The following NELL1 variants were observed in gnomAD, a reference collection of about 807,000 sequenced individuals.
NELL1 encodes neural EGFL like 1.
NELL1 carries 76 observed loss-of-function variants against 107.4 expected under a neutral mutation model. The ratio of observed to expected loss-of-function variants is 0.71; its 90% confidence interval spans 0.59 to 0.86. NELL1 has a LOEUF of 0.86. NELL1 is among the 40% of genes least tolerant of loss of function. NELL1 has a pLI of 0.00. For missense variants in NELL1, 1,024 were observed against 1,005.5 expected (o/e 1.02, Z -0.25); for synonymous variants, 353 against 341.2 (o/e 1.03, Z -0.38).
At chr11:21,412,312 TA>T (rs1852398494) in intron 15 of NELL1, among the ~76,000 whole-genome samples, 1 of 152,060 alleles carries the variant, frequency 6.6e-6, no homozygotes, top group Admixed American at 6.6e-5. Context: ...AGCAAATTTA[TA>T]GATAGGACAT....
intron 12 of NELL1, among the ~76,000 whole-genome samples, chr11:21,014,050 C>T (rs1590540880): frequency 6.6e-6 from 1 of 152,000 alleles, no homozygotes; most frequent in East Asian, 1.9e-4. Flanking sequence ...TAATACAATA[C>T]TGCTTTATTT....
At position 21,246,023 on chromosome 11, in the gene NELL1, G is replaced by GT. The variant is rs977361432; in HGVS notation, c.1549+16578dup. 2.9e-3 allele frequency among the ~76,000 whole-genome samples: 443 copies of GT among 150,778 alleles called. 2 individuals are homozygous for GT. Among genetic ancestry groups the GT allele is most frequent in the African/African-American group, 9.5e-3 (389 of 41,082 alleles). On this transcript the variant is annotated intron_variant, in intron 14 of 19. Transcript: ENST00000357134. Reference sequence around the variant, plus strand: ...CAAATTATTCCATTTAATACAAATTGTTTTTTTTTGACTCAAAGAATGTTG... The same window carrying GT: ...CAAATTATTCCATTTAATACAAATTGTTTTTTTTTTGACTCAAAGAATGTTG...
At chr11:21,410,566 A>G (rs1564881238) in intron 15 of NELL1, among the ~76,000 whole-genome samples, 1 of 152,084 alleles carries the variant, frequency 6.6e-6, no homozygotes, top group Non-Finnish European at 1.5e-5. Context: ...CCTAACATAA[A>G]TCAGATACCA....
chr11:20,694,076 A>T (rs1854548491), intron 2 of NELL1, among the ~76,000 whole-genome samples: 1 of 152,060 alleles, frequency 6.6e-6, no homozygotes, highest in African/African-American at 2.4e-5. Flanking sequence ...AGTTGATTGC[A>T]TGGGCTCCTG....
At chr11:21,168,720 A>G (rs1210919962) in intron 13 of NELL1, among the ~76,000 whole-genome samples, 1 of 151,894 alleles carries the variant, frequency 6.6e-6, no homozygotes, top group African/African-American at 2.4e-5. Flanking sequence ...ACCTATGGCC[A>G]GTTAAAGCTC....
intron 3 of NELL1, among the ~76,000 whole-genome samples, chr11:20,796,932 G>A (rs146366238): frequency 6.5e-4 from 99 of 152,288 alleles, no homozygotes; most frequent in African/African-American, 2.2e-3. Flanking sequence ...GAATGGAAGA[G>A]GGTTCTGAAT....
intron 5 of NELL1, among the ~76,000 whole-genome samples, chr11:20,908,974 T>G (rs575028233): frequency 2.0e-5 from 3 of 152,192 alleles, no homozygotes; most frequent in Admixed American, 6.5e-5. Flanking sequence ...GGTATATGTA[T>G]CCAGTGGGAT....
At chr11:21,114,315 A>G (rs1470311315) in intron 13 of NELL1, among the ~76,000 whole-genome samples, 5 of 152,014 alleles carry the variant, frequency 3.3e-5, no homozygotes, top group Admixed American at 3.3e-4. Flanking sequence ...TCAATCATGT[A>G]CATACAGACA....
intron 15 of NELL1, among the ~76,000 whole-genome samples, chr11:21,513,604 G>T (rs568546436): frequency 1.3e-5 from 2 of 152,252 alleles, no homozygotes; most frequent in South Asian, 2.1e-4. Context: ...GTCAGAGATT[G>T]TTGTTTTGTT....
intron 16 of NELL1, among the ~76,000 whole-genome samples, chr11:21,544,070 GA>G (rs1432128980): frequency 2.0e-5 from 3 of 151,778 alleles, no homozygotes; most frequent in African/African-American, 7.3e-5. Context: ...TAAAGAAAAA[GA>G]AAAAAACTAC....
intron 2 of NELL1, among the ~76,000 whole-genome samples, chr11:20,720,905 A>T (rs1281369660): frequency 6.6e-6 from 1 of 152,152 alleles, no homozygotes; most frequent in Non-Finnish European, 1.5e-5. Flanking sequence ...GGACTTCAAC[A>T]TATGAATTTT....
intron 14 of NELL1, among the ~76,000 whole-genome samples, chr11:21,269,235 G>C (rs1012950946): frequency 6.6e-6 from 1 of 151,908 alleles, no homozygotes; most frequent in Non-Finnish European, 1.5e-5. Context: ...AGAAACAATA[G>C]GAATATGGGA....
At chr11:21,494,133 G>T (rs1046615471) in intron 15 of NELL1, among the ~76,000 whole-genome samples, 1 of 151,834 alleles carries the variant, frequency 6.6e-6, no homozygotes, top group Non-Finnish European at 1.5e-5. Context: ...ATTTTTAGTA[G>T]GTAGGTCTTG....
intron 2 of NELL1, among the ~76,000 whole-genome samples, chr11:20,727,317 T>C (rs1855530295): frequency 6.6e-6 from 1 of 152,214 alleles, no homozygotes; most frequent in East Asian, 1.9e-4. Context: ...TATCTCATTG[T>C]GGTTTTGATT....
At chr11:20,794,833 C>T (rs761659490) in intron 3 of NELL1, among the ~76,000 whole-genome samples, 3 of 152,120 alleles carry the variant, frequency 2.0e-5, no homozygotes, top group Admixed American at 2.0e-4. Context: ...TCACCCAAAC[C>T]TGGTAATGTT....
chr11:21,522,834 C>CTTTTTTTTTTTTTTTTTTTTTT (rs66707466), intron 15 of NELL1, among the ~76,000 whole-genome samples: 1 of 68,432 alleles, frequency 1.5e-5, no homozygotes, highest in African/African-American at 6.2e-5. Context: ...TTTTTCTTTT[C>CTTTTTTTTTTTTTTTTTTTTTT]TTTTTTTTTT....
chr11:21,367,159 T>C (rs1018065452), intron 14 of NELL1, among the ~76,000 whole-genome samples: 6 of 152,036 alleles, frequency 3.9e-5, no homozygotes, highest in African/African-American at 1.4e-4. Context: ...TCTTTCAATA[T>C]TAGAAGCATA....
chr11:20,694,512 T>C lies in NELL1; in HGVS notation c.184+16452T>C, dbSNP rs553753105. 3.3e-5 allele frequency among the ~76,000 whole-genome samples: 5 copies of C among 152,262 alleles called. 1 individual carries two copies. In the South Asian group the frequency reaches 8.3e-4, roughly 25 times the overall value. ...TGGTCAGTTATCCCAGCACCATTTA[T>C]TGAATAGGGGGTCCTTTCCCCATCA... On this transcript the variant is annotated intron_variant, in intron 2 of 19. Transcript: ENST00000357134.
chr11:20,940,459 C>T (rs1336453560), intron 10 of NELL1, among the ~76,000 whole-genome samples: 2 of 151,940 alleles, frequency 1.3e-5, no homozygotes, highest in Non-Finnish European at 2.9e-5. Context: ...GGTTGTTGGC[C>T]AGGCTGGTCT....
Sources: allele counts gnomAD v4.1 joint callset (sites outside exome capture counted in the v4.1 genomes callset), GRCh38; gene constraint gnomAD v4.1.1; transcripts MANE v1.5; gene names NCBI Gene and HGNC (gene_info 2026-07-23, HGNC 2026-07-21).